SKAP2: variants seen among roughly 807,000 people sequenced by gnomAD.
SKAP2 encodes the protein src kinase associated phosphoprotein 2.
Under a neutral mutation model 54.9 loss-of-function variants are expected in SKAP2, and 28 were observed. The ratio of observed to expected loss-of-function variants is 0.51; its 90% CI spans 0.38 to 0.70. The LOEUF is 0.70. Among genes scored for constraint, SKAP2 ranks in the 30% least tolerant of loss-of-function variants. The pLI is 0.00. For synonymous variants in SKAP2, 137 were observed against 134.3 expected (o/e 1.02, Z -0.14); for missense variants, 356 against 424.1 (o/e 0.84, Z 1.41).
intron 4 of SKAP2, among the ~76,000 whole-genome samples, chr7:26,804,266 T>C (rs187128240): frequency 2.6e-5 from 4 of 152,192 alleles, no homozygotes; most frequent in African/African-American, 9.6e-5. Flanking sequence ...CAAAATTTTT[T>C]AAAAAATAAT....
At chr7:26,689,184 C>A (rs1402461315) in intron 10 of SKAP2, among the ~76,000 whole-genome samples, 1 of 152,100 alleles carries the variant, frequency 6.6e-6, no homozygotes, top group Non-Finnish European at 1.5e-5. Context: ...TCTTGTCCAC[C>A]CGGCCTTGAC....
At chr7:26,772,211 G>A (rs1454510383) in intron 4 of SKAP2, among the ~76,000 whole-genome samples, 1 of 152,072 alleles carries the variant, frequency 6.6e-6, no homozygotes, top group African/African-American at 2.4e-5. Context: ...TGAATTTTTT[G>A]GTGTGCAGCA....
At chr7:26,754,233 G>A (rs10224133) in intron 4 of SKAP2, among the ~76,000 whole-genome samples, 93,527 of 151,172 alleles carry the variant, frequency 0.62, 29,488 homozygotes, top group East Asian at 0.88. Context: ...GCGTGGTGGC[G>A]TACACCTGCA....
chr7:26,686,849 G>T (rs1321629040), intron 10 of SKAP2, among the ~76,000 whole-genome samples: 1 of 152,060 alleles, frequency 6.6e-6, no homozygotes, highest in East Asian at 1.9e-4. Flanking sequence ...ACAGTAACTG[G>T]CCAGGAGGTA....
chr7:26,783,214 GT>G (rs1458097163), intron 4 of SKAP2, among the ~76,000 whole-genome samples: 1 of 151,990 alleles, frequency 6.6e-6, no homozygotes, highest in Non-Finnish European at 1.5e-5. Flanking sequence ...GTATCCAGAC[GT>G]TGTTGTTGAC....
chr7:26,838,524 A>C (rs1055190213), intron 4 of SKAP2, among the ~76,000 whole-genome samples: 1 of 152,232 alleles, frequency 6.6e-6, no homozygotes, highest in Non-Finnish European at 1.5e-5. Flanking sequence ...CAAAAAAGTT[A>C]TCATCAATTA....
chr7:26,796,886 T>C (rs1783792760), intron 4 of SKAP2, among the ~76,000 whole-genome samples: 1 of 152,154 alleles, frequency 6.6e-6, no homozygotes, highest in African/African-American at 2.4e-5. Flanking sequence ...GGGGTTGACA[T>C]CCCTAAACCC....
At chr7:26,716,431 C>G (rs1311059546) in intron 9 of SKAP2, among the ~76,000 whole-genome samples, 1 of 152,042 alleles carries the variant, frequency 6.6e-6, no homozygotes, top group Non-Finnish European at 1.5e-5. Context: ...TAGTAGCTTT[C>G]TTTGGATAGA....
intron 4 of SKAP2, 34 bp downstream of exon 4, chr7:26,843,996 G>T: frequency 7.9e-7 from 1 of 1,265,570 alleles, no homozygotes; most frequent in Non-Finnish European, 1.2e-6. Flanking sequence ...TGTTTTGTGT[G>T]AGTGTCAGAG....
At chr7:26,861,950 G>C (rs1344631197) in intron 1 of SKAP2, among the ~76,000 whole-genome samples, 2 of 151,842 alleles carry the variant, frequency 1.3e-5, no homozygotes, top group Non-Finnish European at 2.9e-5. Flanking sequence ...CCCCTGAAAA[G>C]TTTAGTTCCT....
intron 4 of SKAP2, among the ~76,000 whole-genome samples, chr7:26,745,253 T>C (rs1782536989): frequency 6.6e-6 from 1 of 152,236 alleles, no homozygotes; most frequent in South Asian, 2.1e-4. Context: ...TTGTTATTCC[T>C]AAGAATTTTC....
intron 9 of SKAP2, among the ~76,000 whole-genome samples, chr7:26,721,479 T>C (rs1373164384): frequency 6.6e-6 from 1 of 152,154 alleles, no homozygotes; most frequent in Non-Finnish European, 1.5e-5. Flanking sequence ...TGTAATTGAA[T>C]GGCCAAAGGA....
At chr7:26,700,881 A>G (rs1787008189) in intron 9 of SKAP2, among the ~76,000 whole-genome samples, 1 of 152,204 alleles carries the variant, frequency 6.6e-6, no homozygotes, top group African/African-American at 2.4e-5. Flanking sequence ...CAGCAGCTCA[A>G]TGACTTCATT....
intron 4 of SKAP2, among the ~76,000 whole-genome samples, chr7:26,813,318 G>A (rs1156568784): frequency 1.3e-5 from 2 of 152,036 alleles, no homozygotes; most frequent in African/African-American, 4.8e-5. Flanking sequence ...CTAGCATATT[G>A]GGGTTTCCAT....
intron 6 of SKAP2, among the ~76,000 whole-genome samples, chr7:26,728,405 C>T (rs1403822099): frequency 6.6e-6 from 1 of 152,066 alleles, no homozygotes; most frequent in African/African-American, 2.4e-5. Context: ...ATTTAGTATG[C>T]AGCATTTCCA....
chr7:26,764,115 G>A (rs565502264), intron 4 of SKAP2, among the ~76,000 whole-genome samples: 5 of 152,196 alleles, frequency 3.3e-5, no homozygotes, highest in African/African-American at 1.2e-4. Flanking sequence ...TAGCAGTTTG[G>A]AAATTCAATA....
chr7:26,713,984 G>A (rs183218372), intron 9 of SKAP2, among the ~76,000 whole-genome samples: 1 of 152,296 alleles, frequency 6.6e-6, no homozygotes, highest in East Asian at 1.9e-4. Context: ...AGACAAAAGC[G>A]GTGGTAAGTA....
At chr7:26,716,857 T>C (rs1409298811) in intron 9 of SKAP2, among the ~76,000 whole-genome samples, 1 of 152,198 alleles carries the variant, frequency 6.6e-6, no homozygotes, top group Non-Finnish European at 1.5e-5. Flanking sequence ...CCCATCTCCA[T>C]CTTGCCCCAG....
At chr7:26,697,756 C>A (rs892215376) in intron 9 of SKAP2, among the ~76,000 whole-genome samples, 1 of 151,972 alleles carries the variant, frequency 6.6e-6, no homozygotes, top group African/African-American at 2.4e-5. Flanking sequence ...ATAAATAAAT[C>A]ATCCATGATC....
Sources: allele counts gnomAD v4.1 joint callset (sites outside exome capture counted in the v4.1 genomes callset), GRCh38; gene constraint gnomAD v4.1.1; transcripts MANE v1.5; gene names NCBI Gene and HGNC (gene_info 2026-07-23, HGNC 2026-07-21).